LRRC4C: variants seen among roughly 807,000 people sequenced by gnomAD.
LRRC4C encodes leucine-rich repeat-containing protein 4C.
Under a neutral mutation model 33.6 loss-of-function variants are expected in LRRC4C, and 5 were observed. The ratio of observed to expected loss-of-function variants is 0.15; its 90% CI spans 0.08 to 0.31. The LOEUF (loss-of-function observed/expected upper bound fraction) is 0.31. Ranked by LOEUF, LRRC4C falls within the 10% of genes least tolerant of loss-of-function variation. LRRC4C has a pLI of 1.00. For synonymous variants in LRRC4C, 329 were observed against 302.0 expected (o/e 1.09, Z -0.93); for missense variants, 560 against 796.7 (o/e 0.70, Z 3.58).
intron 3 of LRRC4C, among the ~76,000 whole-genome samples, chr11:40,431,394 C>CAAAAAAAA (rs572317927): frequency 8.0e-6 from 1 of 125,388 alleles, no homozygotes; most frequent in Non-Finnish European, 1.6e-5. Context: ...GACTCTGTCT[C>CAAAAAAAA]AAAAAAAAAA....
intron 1 of LRRC4C, among the ~76,000 whole-genome samples, chr11:40,967,746 C>G (rs1388761765): frequency 1.3e-5 from 2 of 151,658 alleles, no homozygotes; most frequent in African/African-American, 4.8e-5. Context: ...GCTGTTATGC[C>G]ATCTTTCTCT....
intron 1 of LRRC4C, among the ~76,000 whole-genome samples, chr11:41,356,014 C>T (rs910790816): frequency 6.6e-6 from 1 of 152,030 alleles, no homozygotes; most frequent in African/African-American, 2.4e-5. Flanking sequence ...TCATTAGTGG[C>T]TATGAGTTTA....
chr11:40,255,913 T>A (rs1254207505), intron 4 of LRRC4C, among the ~76,000 whole-genome samples: 1 of 152,232 alleles, frequency 6.6e-6, no homozygotes, highest in Non-Finnish European at 1.5e-5. Flanking sequence ...TACTGCATCA[T>A]TGATATACCA....
At chr11:40,362,995 A>C (rs573027130) in intron 3 of LRRC4C, among the ~76,000 whole-genome samples, 1 of 152,304 alleles carries the variant, frequency 6.6e-6, no homozygotes, top group South Asian at 2.1e-4. Flanking sequence ...CCATTGTGGA[A>C]GACAGTGTAG....
At chr11:40,990,653 T>C (rs1853471981) in intron 1 of LRRC4C, among the ~76,000 whole-genome samples, 1 of 152,164 alleles carries the variant, frequency 6.6e-6, no homozygotes. Flanking sequence ...ACATTCTCAA[T>C]GATGATATAA....
intron 1 of LRRC4C, among the ~76,000 whole-genome samples, chr11:41,142,410 G>A (rs1253272149): frequency 6.6e-6 from 1 of 152,170 alleles, no homozygotes; most frequent in Non-Finnish European, 1.5e-5. Flanking sequence ...ACTAGGTCTG[G>A]AATGAGGCTC....
intron 2 of LRRC4C, among the ~76,000 whole-genome samples, chr11:40,780,977 G>A (rs959568607): frequency 8.5e-5 from 13 of 152,166 alleles, no homozygotes; most frequent in South Asian, 2.1e-4. Context: ...TACTGACAGC[G>A]ATATGTTCTA....
intron 1 of LRRC4C, among the ~76,000 whole-genome samples, chr11:40,945,680 A>C (rs1392788018): frequency 6.6e-6 from 1 of 152,154 alleles, no homozygotes; most frequent in Non-Finnish European, 1.5e-5. Context: ...ACATCATTGA[A>C]AAGTGGGGAG....
At chr11:40,453,992 C>A (rs754375810) in intron 3 of LRRC4C, among the ~76,000 whole-genome samples, 1 of 152,074 alleles carries the variant, frequency 6.6e-6, no homozygotes, top group Non-Finnish European at 1.5e-5. Flanking sequence ...TAGCTACAAA[C>A]AGCAAAGACC....
At chr11:40,242,646 G>T (rs942688787) in intron 4 of LRRC4C, among the ~76,000 whole-genome samples, 1 of 152,060 alleles carries the variant, frequency 6.6e-6, no homozygotes, top group African/African-American at 2.4e-5. Flanking sequence ...TCATTTTTAT[G>T]ACATACACAA....
chr11:40,757,318 G>A (rs951885884), intron 2 of LRRC4C, among the ~76,000 whole-genome samples: 1 of 151,944 alleles, frequency 6.6e-6, no homozygotes, highest in Non-Finnish European at 1.5e-5. Context: ...CTTGTAGATG[G>A]CCTATGTTAT....
At chr11:40,276,973 A>C (rs145974886) in intron 4 of LRRC4C, among the ~76,000 whole-genome samples, 261 of 152,158 alleles carry the variant, frequency 1.7e-3, no homozygotes, top group African/African-American at 6.1e-3. Flanking sequence ...CTATATCACT[A>C]TATCTCTTCC....
chr11:40,550,916 G>C (rs533783428), intron 3 of LRRC4C, among the ~76,000 whole-genome samples: 1 of 152,166 alleles, frequency 6.6e-6, no homozygotes, highest in East Asian at 1.9e-4. Flanking sequence ...CCATGTTGTA[G>C]AGTATTGGTT....
intron 1 of LRRC4C, among the ~76,000 whole-genome samples, chr11:41,404,564 C>CACACACG (rs375465500): frequency 1.1e-5 from 1 of 94,088 alleles, no homozygotes; most frequent in African/African-American, 4.4e-5. Flanking sequence ...ACACACACAC[C>CACACACG]CCCCGAGGTT....
At chr11:40,901,921 T>A (rs1331997885) in intron 2 of LRRC4C, among the ~76,000 whole-genome samples, 1 of 151,722 alleles carries the variant, frequency 6.6e-6, no homozygotes, top group East Asian at 1.9e-4. Flanking sequence ...CAGGGGTAAC[T>A]CCCTGGTAAG....
intron 1 of LRRC4C, among the ~76,000 whole-genome samples, chr11:41,052,731 T>A (rs1421742321): frequency 6.6e-6 from 1 of 152,178 alleles, no homozygotes; most frequent in African/African-American, 2.4e-5. Flanking sequence ...TATAGAATTT[T>A]AAAATACAAA....
intron 1 of LRRC4C, among the ~76,000 whole-genome samples, chr11:41,367,701 T>A (rs1468490054): frequency 6.6e-6 from 1 of 152,140 alleles, no homozygotes; most frequent in Non-Finnish European, 1.5e-5. Flanking sequence ...ACACTCGGTA[T>A]GGGCTCCCTA....
chr11:41,443,570 TTTTC>T (rs1418917582), intron 1 of LRRC4C, among the ~76,000 whole-genome samples: 9 of 151,030 alleles, frequency 6.0e-5, no homozygotes, highest in African/African-American at 1.9e-4. Flanking sequence ...CCTTTTTCTT[TTTTC>T]TTTCTTTCTT....
chr11:41,380,667 A>G (rs781019020), intron 1 of LRRC4C, among the ~76,000 whole-genome samples: 3 of 152,192 alleles, frequency 2.0e-5, no homozygotes, highest in Non-Finnish European at 4.4e-5. Context: ...GGGAACCCAT[A>G]AAGAAAAAAT....
Sources: gnomAD v4.1 joint callset for allele counts (sites outside exome capture counted in the v4.1 genomes callset) on GRCh38, gnomAD v4.1.1 for gene constraint, MANE v1.5 for transcripts, NCBI Gene and HGNC (gene_info 2026-07-23, HGNC 2026-07-21) for gene names.